ZYG11B: variants seen among roughly 807,000 people sequenced by gnomAD.
ZYG11B encodes the protein zyg-11 family member B, cell cycle regulator, also known as protein zyg-11 homolog B.
ZYG11B carries 36 observed loss-of-function variants against 82.4 expected under a neutral mutation model. That is an observed-to-expected ratio of 0.44 (90% CI 0.33 to 0.58). The LOEUF (loss-of-function observed/expected upper bound fraction) is 0.58. Among genes scored for constraint, ZYG11B ranks in the 20% least tolerant of loss-of-function variants. The pLI is 0.02. For missense variants in ZYG11B, 552 were observed against 895.6 expected (o/e 0.62, Z 4.90); for synonymous variants, 303 against 312.8 (o/e 0.97, Z 0.33).
At chr1:52,820,864 G>A (rs1347315322) in intron 13 of ZYG11B, among the ~76,000 whole-genome samples, 1 of 151,972 alleles carries the variant, frequency 6.6e-6, no homozygotes, top group Admixed American at 6.6e-5. Flanking sequence ...ACTTTGGGAG[G>A]CTGAGGCGGG....
chr1:52,729,599 G>C (rs11205997), intron 1 of ZYG11B, among the ~76,000 whole-genome samples: 95,569 of 152,118 alleles, frequency 0.63, 32,049 homozygotes, highest in East Asian at 0.97. Context: ...TAATTAGGTT[G>C]TGTTTGAATA....
At chr1:52,813,450 C>A in intron 10 of ZYG11B, 86 bp from the exon 11 acceptor site, 1 of 1,008,862 alleles carries the variant, frequency 9.9e-7, no homozygotes, top group Non-Finnish European at 1.4e-6. Context: ...TCCTGAATTG[C>A]CTGTTATCCA....
chr1:52,816,153 A>G (rs1645222273), intron 12 of ZYG11B, among the ~76,000 whole-genome samples: 1 of 152,134 alleles, frequency 6.6e-6, no homozygotes, highest in East Asian at 1.9e-4. Flanking sequence ...AGACCAGTAG[A>G]AAATAGAAGG....
chr1:52,797,172 ATATATATT>A (rs1409843809), intron 8 of ZYG11B, among the ~76,000 whole-genome samples: 1 of 68,938 alleles, frequency 1.5e-5, no homozygotes, highest in Non-Finnish European at 2.2e-5. Flanking sequence ...ATTATATATT[ATATATATT>A]TATATATTAT....
chr1:52,798,116 C>T (rs995334352), intron 8 of ZYG11B, among the ~76,000 whole-genome samples: 2 of 151,506 alleles, frequency 1.3e-5, no homozygotes, highest in African/African-American at 4.9e-5. Flanking sequence ...GAGTGAGACC[C>T]GTTCTCAAAA....
intron 1 of ZYG11B, among the ~76,000 whole-genome samples, chr1:52,743,041 C>G (rs1483659300): frequency 4.0e-5 from 6 of 151,866 alleles, no homozygotes; most frequent in Non-Finnish European, 8.8e-5. Flanking sequence ...CGGCCGCCAC[C>G]CCATCTGGGA....
intron 1 of ZYG11B, among the ~76,000 whole-genome samples, chr1:52,728,860 G>T (rs1353659713): frequency 8.3e-6 from 1 of 119,826 alleles, no homozygotes; most frequent in African/African-American, 2.7e-5. Context: ...CCCTCACAGG[G>T]ATTTTTTTTT....
At chr1:52,780,152 A>G (rs1288272189) in intron 4 of ZYG11B, among the ~76,000 whole-genome samples, 159 bp downstream of exon 4, 1 of 152,186 alleles carries the variant, frequency 6.6e-6, no homozygotes, top group African/African-American at 2.4e-5. Flanking sequence ...ACGAGAGAGA[A>G]GATAGTTGTA....
intron 6 of ZYG11B, among the ~76,000 whole-genome samples, chr1:52,791,897 A>G (rs535268914): frequency 6.6e-6 from 1 of 152,320 alleles, no homozygotes; most frequent in South Asian, 2.1e-4. Context: ...TCACTCTCCT[A>G]AAGATTATAT....
chr1:52,763,602 G>A (rs61768344), intron 2 of ZYG11B, among the ~76,000 whole-genome samples: 43,734 of 151,798 alleles, frequency 0.29, 7,690 homozygotes, highest in Admixed American at 0.43. Context: ...TTATAGTTAT[G>A]AACCACCGCA....
chr1:52,778,247 A>G (rs887072626), intron 3 of ZYG11B, among the ~76,000 whole-genome samples: 8 of 152,106 alleles, frequency 5.3e-5, no homozygotes, highest in African/African-American at 1.2e-4. Flanking sequence ...TGAATAATCT[A>G]TCGTTTGGAT....
intron 3 of ZYG11B, among the ~76,000 whole-genome samples, chr1:52,774,720 G>A (rs1053204044): frequency 4.7e-5 from 7 of 149,500 alleles, no homozygotes; most frequent in Non-Finnish European, 1.0e-4. Context: ...AAGCCCCTGA[G>A]CCTAGCCTGG....
intron 7 of ZYG11B, 60 bp from the exon 8 acceptor site, chr1:52,796,674 G>T (rs1645008687): frequency 7.4e-7 from 1 of 1,345,990 alleles, no homozygotes; most frequent in Non-Finnish European, 1.0e-6. Context: ...TACAGTGAAT[G>T]ATATTAAACT....
Position 52,824,971 on chromosome 1 carries a change from C to A in ZYG11B, c.*3342C>A, listed in dbSNP as rs1369012316. The stretch of plus-strand genomic sequence containing the variant: ...GGGTTGAACCACTCATTGTTCAAAT[C>A]ATTGGTGGGCTCCAATGTAAAATAT... On this transcript the variant is annotated 3_prime_UTR_variant, in exon 14 of 14. Transcript: ENST00000294353. 3 of 152,066 alleles carry A rather than the reference C, an allele frequency of 2.0e-5. No individual in the cohort carries two copies. Among genetic ancestry groups the A allele is most frequent in the Admixed American group, 1.3e-4 (2 of 15,250 alleles). The allele number at this position is 152,066 out of a possible 1,614,324, so 9.4% of individuals were successfully genotyped here. A position where few individuals can be genotyped will look rare whatever the true frequency, so the allele number is the denominator to read the frequency against.
At chr1:52,746,096 T>A (rs1382728845) in intron 1 of ZYG11B, among the ~76,000 whole-genome samples, 1 of 151,940 alleles carries the variant, frequency 6.6e-6, no homozygotes, top group African/African-American at 2.4e-5. Context: ...GAGTAGCAAC[T>A]ACAGGCGCGT....
At chr1:52,808,795 T>C (rs1645161843) in intron 10 of ZYG11B, among the ~76,000 whole-genome samples, 2 of 152,202 alleles carry the variant, frequency 1.3e-5, no homozygotes, top group East Asian at 3.8e-4. Context: ...TTTTGTTCTT[T>C]TGTATTCTGT....
chr1:52,788,207 T>A (rs147118877), intron 5 of ZYG11B, among the ~76,000 whole-genome samples: 2 of 152,238 alleles, frequency 1.3e-5, no homozygotes, highest in Non-Finnish European at 2.9e-5. Context: ...GATTCCACAT[T>A]GAATTCCTTA....
At position 52,783,945 on chromosome 1, in the gene ZYG11B, T is replaced by G. The variant is rs535596306; in HGVS notation, c.1093-932T>G. On this transcript the variant is annotated intron_variant, in intron 4 of 13. Transcript: ENST00000294353. ...ATATGTGTATATACATCTATACATA[T>G]ATGTATATATACACATACACACATA... Among the ~76,000 whole-genome samples, 13 of 148,310 alleles carry G rather than the reference T, an allele frequency of 8.8e-5. 1 individual carries two copies. The South Asian group carries it at 2.1e-3, about 24-fold the overall frequency.
At chr1:52,784,248 TC>T (rs1644894403) in intron 4 of ZYG11B, among the ~76,000 whole-genome samples, 2 of 152,174 alleles carry the variant, frequency 1.3e-5, no homozygotes, top group Non-Finnish European at 2.9e-5. Flanking sequence ...TGCCTTGGCC[TC>T]CCAGAGTGCT....
Sources: gnomAD v4.1 joint callset for allele counts (sites outside exome capture counted in the v4.1 genomes callset) on GRCh38, gnomAD v4.1.1 for gene constraint, MANE v1.5 for transcripts, NCBI Gene and HGNC (gene_info 2026-07-23, HGNC 2026-07-21) for gene names.